Variants in MYO9A observed in about 807,000 individuals in gnomAD.
MYO9A encodes unconventional myosin-IXa.
A neutral mutation model predicts 293.3 loss-of-function variants in MYO9A; 103 were observed. The observed-to-expected ratio is 0.35, with a 90% confidence interval of 0.30 to 0.41. The LOEUF is 0.41. MYO9A is among the 10% of genes least tolerant of loss of function. MYO9A has a pLI of 1.00. For synonymous variants in MYO9A, 1,001 were observed against 1,035.7 expected (o/e 0.97, Z 0.64); for missense variants, 2,685 against 3,033.0 (o/e 0.89, Z 2.69).
chr15:71,913,238 C>T (rs1018156165), intron 19 of MYO9A, among the ~76,000 whole-genome samples: 3 of 151,970 alleles, frequency 2.0e-5, no homozygotes, highest in African/African-American at 2.4e-5. Flanking sequence ...ACTGTCTAAC[C>T]GATGTTAATC....
chr15:72,016,904 T>C (rs1323712162), intron 6 of MYO9A, among the ~76,000 whole-genome samples: 1 of 151,498 alleles, frequency 6.6e-6, no homozygotes, highest in African/African-American at 2.4e-5. Context: ...TGCACAACTT[T>C]AAGACTCACA....
At position 71,855,325 on chromosome 15, in the gene MYO9A, G is replaced by A. The variant is rs990946896; in HGVS notation, c.6154-756C>T. On this transcript the variant is annotated intron_variant, in intron 34 of 41. Transcript: ENST00000356056. ...TAATGTTTGTAGTTTTAGTAGAGAC[G>A]GAGTTTCATCATGTTGGCCAGGCTG... Among the ~76,000 whole-genome samples the A allele has an allele frequency of 5.3e-5, 8 of 152,232 alleles. No individual in the cohort carries two copies. In the East Asian group the frequency reaches 5.8e-4, roughly 11 times the overall value.
In MYO9A at chr15:71,920,964, T is replaced by G. The variant is rs192824196; in HGVS notation, c.2563-4472A>C. On this transcript the variant is annotated intron_variant, in intron 18 of 41. Transcript: ENST00000356056. ...CTCAAAAAAATAATAACTTCAAGAT[T>G]TGAGCCCAAGTGACTATAAAAACGT... Among the ~76,000 whole-genome samples, 36 of 152,184 alleles carry G rather than the reference T, an allele frequency of 2.4e-4. 1 individual carries two copies. Among genetic ancestry groups the G allele is most frequent in the Admixed American group, 1.8e-3 (28 of 15,290 alleles).
At chr15:72,086,830 C>T (rs922401662) in intron 1 of MYO9A, among the ~76,000 whole-genome samples, 4 of 151,958 alleles carry the variant, frequency 2.6e-5, no homozygotes, top group East Asian at 1.9e-4. Flanking sequence ...TGCAATGGTG[C>T]AATCTCAGCT....
intron 15 of MYO9A, chr15:71,950,485 A>C (rs1012419506): frequency 6.6e-6 from 1 of 152,256 alleles, no homozygotes; most frequent in Non-Finnish European, 1.5e-5. Flanking sequence ...TTTATAGACT[A>C]TTTTAAATAA....
At chr15:71,848,776 A>G (rs1320444609) in intron 39 of MYO9A, 69 bp downstream of exon 39, 54 of 1,520,700 alleles carry the variant, frequency 3.6e-5, no homozygotes, top group Non-Finnish European at 4.6e-5. Context: ...CCTTGTATAC[A>G]CCACAAAAGC....
chr15:71,919,331 T>G (rs917520382), intron 18 of MYO9A, among the ~76,000 whole-genome samples: 2 of 151,648 alleles, frequency 1.3e-5, no homozygotes, highest in African/African-American at 4.8e-5. Flanking sequence ...GTCCTAGCTA[T>G]TCGGGAGGTG....
chr15:72,081,910 G>C (rs1466172001), intron 1 of MYO9A, among the ~76,000 whole-genome samples: 1 of 152,112 alleles, frequency 6.6e-6, no homozygotes, highest in Non-Finnish European at 1.5e-5. Flanking sequence ...TTTTGTCCCA[G>C]TACCATGCTG....
chr15:71,858,968 G>A lies in MYO9A; in HGVS notation c.6153+767C>T, dbSNP rs185853643. On this transcript the variant is annotated intron_variant, in intron 34 of 41. Coordinates refer to ENST00000356056, the MANE Select transcript of MYO9A (RefSeq NM_006901.4). Reference sequence around the variant, plus strand: ...TAGTCTCCTAAAGTACAATTTGCCTGTGCAGCTCCCTGATGCTTGCCAACA... The same window carrying A: ...TAGTCTCCTAAAGTACAATTTGCCTATGCAGCTCCCTGATGCTTGCCAACA... Among the ~76,000 whole-genome samples the A allele has an allele frequency of 2.0e-5, 3 of 152,066 alleles. No individual in the cohort carries two copies. In the East Asian group the frequency reaches 5.8e-4, roughly 29 times the overall value.
intron 19 of MYO9A, among the ~76,000 whole-genome samples, chr15:71,913,464 T>A (rs1292036785): frequency 6.6e-6 from 1 of 152,236 alleles, no homozygotes; most frequent in Non-Finnish European, 1.5e-5. Context: ...TCTATTTTGT[T>A]CTTATCATAT....
intron 1 of MYO9A, among the ~76,000 whole-genome samples, chr15:72,049,160 CACTT>C (rs1311844919): frequency 6.6e-6 from 1 of 152,128 alleles, no homozygotes; most frequent in Non-Finnish European, 1.5e-5. Context: ...TTCATACAAA[CACTT>C]ACTGAGAACA....
At chr15:71,928,035 T>C (rs1211939082) in intron 18 of MYO9A, among the ~76,000 whole-genome samples, 12 of 9,018 alleles carry the variant, frequency 1.3e-3, no homozygotes, top group East Asian at 3.6e-3. Flanking sequence ...CTAATATATA[T>C]ATATATATAT....
chr15:71,902,585 T>A (rs1026129230), intron 22 of MYO9A, among the ~76,000 whole-genome samples: 3 of 152,040 alleles, frequency 2.0e-5, no homozygotes, highest in Admixed American at 1.3e-4. Flanking sequence ...CCAAAGACAA[T>A]TATGGTTTCT....
At chr15:72,054,632 A>C (rs1340703881) in intron 1 of MYO9A, among the ~76,000 whole-genome samples, 1 of 143,536 alleles carries the variant, frequency 7.0e-6, no homozygotes, top group Non-Finnish European at 1.5e-5. Flanking sequence ...GTGAGTAGAG[A>C]TCGTGCCACT....
At chr15:72,062,431 G>A (rs1017239735) in intron 1 of MYO9A, among the ~76,000 whole-genome samples, 2 of 152,130 alleles carry the variant, frequency 1.3e-5, no homozygotes, top group Non-Finnish European at 2.9e-5. Context: ...TTGTTTTCAG[G>A]AAACTCAACA....
intron 18 of MYO9A, among the ~76,000 whole-genome samples, chr15:71,928,027 A>ATATAT (rs2058360113): frequency 9.3e-5 from 1 of 10,754 alleles, no homozygotes; most frequent in Non-Finnish European, 2.6e-4. Flanking sequence ...ATACCTTTCT[A>ATATAT]ATATATATAT....
chr15:71,924,503 A>C (rs1346294300), intron 18 of MYO9A, among the ~76,000 whole-genome samples: 1 of 152,048 alleles, frequency 6.6e-6, no homozygotes, highest in African/African-American at 2.4e-5. Flanking sequence ...TGGCCTCCCA[A>C]AGTGCTGGGA....
At chr15:71,937,125 CAT>C (rs2145947377) in intron 16 of MYO9A, among the ~76,000 whole-genome samples, 1 of 151,946 alleles carries the variant, frequency 6.6e-6, no homozygotes, top group East Asian at 1.9e-4. Flanking sequence ...GAAATGACAA[CAT>C]ATTCTGCAGT....
chr15:72,018,425 G>A (rs917200826), intron 6 of MYO9A, among the ~76,000 whole-genome samples: 2 of 152,084 alleles, frequency 1.3e-5, no homozygotes, highest in Non-Finnish European at 2.9e-5. Context: ...CCAAGATCAT[G>A]TCACTGTACT....
Sources: gnomAD v4.1 joint callset for allele counts (sites outside exome capture counted in the v4.1 genomes callset) on GRCh38, gnomAD v4.1.1 for gene constraint, MANE v1.5 for transcripts, NCBI Gene and HGNC (gene_info 2026-07-23, HGNC 2026-07-21) for gene names.